The following SEMA4F variants were observed in gnomAD, a reference collection of about 807,000 sequenced individuals.
The protein encoded by SEMA4F is ssemaphorin 4F.
In SEMA4F, 51 loss-of-function variants were observed where a neutral mutation model predicts 78.4. That is an observed-to-expected ratio of 0.65 (90% CI 0.52 to 0.82). The LOEUF (loss-of-function observed/expected upper bound fraction) is 0.82, where lower values mean the gene tolerates loss of function less well. Among genes scored for constraint, SEMA4F ranks in the 40% least tolerant of loss-of-function variants. The pLI, the probability that SEMA4F is intolerant of heterozygous loss-of-function variation, is 0.00. For missense variants in SEMA4F, 938 were observed against 1,014.4 expected (o/e 0.92, Z 1.02); for synonymous variants, 418 against 408.7 (o/e 1.02, Z -0.27).
At chr2:74,669,450 G>T (rs986939516) in intron 5 of SEMA4F, among the ~76,000 whole-genome samples, 3 of 150,608 alleles carry the variant, frequency 2.0e-5, no homozygotes, top group Non-Finnish European at 3.0e-5. Context: ...TGGGTGTGGT[G>T]GGGGGGTGCC....
Position 74,674,807 on chromosome 2 carries a change from G to A in SEMA4F, c.1002-81G>A, listed in dbSNP as rs1471123155. On this transcript the variant is annotated intron_variant, in intron 8 of 13. Transcript: ENST00000357877. ...CTGCATGGCTCCCTGTGCGTTTCTC[G>A]GGGGTCATCTCATTTGACAAGGGAT... The A allele has an allele frequency of 1.3e-5, 20 of 1,562,802 alleles. No homozygotes were observed. In the Admixed American group the frequency reaches 1.5e-4, roughly 11 times the overall value.
At chr2:74,698,512 T>G in the SEMA4F span, among the ~76,000 whole-genome samples, 1 of 152,166 alleles carries the variant, frequency 6.6e-6, no homozygotes, top group South Asian at 2.1e-4. Context: ...ATCTGTAAAC[T>G]CAGTCACAAA....
the SEMA4F span, among the ~76,000 whole-genome samples, chr2:74,705,514 C>G: frequency 1.3e-5 from 2 of 152,202 alleles, no homozygotes; most frequent in African/African-American, 4.8e-5. Flanking sequence ...CATATATTAT[C>G]ATATAAAAAG....
the SEMA4F span, among the ~76,000 whole-genome samples, chr2:74,699,659 C>T: frequency 6.6e-6 from 1 of 151,998 alleles, no homozygotes; most frequent in South Asian, 2.1e-4. Flanking sequence ...ATAGATTGTT[C>T]AAGGGTAGGT....
intron 5 of SEMA4F, among the ~76,000 whole-genome samples, chr2:74,671,280 G>T (rs2104978466): frequency 6.6e-6 from 1 of 152,312 alleles, no homozygotes. Context: ...TAGGGCTCTG[G>T]CCCTCTTGTT....
intron 5 of SEMA4F, among the ~76,000 whole-genome samples, chr2:74,663,267 A>G (rs1168774388): frequency 6.6e-6 from 1 of 152,210 alleles, no homozygotes; most frequent in Non-Finnish European, 1.5e-5. Context: ...GCCACTAGCT[A>G]TTGTGGCTAT....
At chr2:74,705,625 A>G in the SEMA4F span, among the ~76,000 whole-genome samples, 8 of 152,246 alleles carry the variant, frequency 5.3e-5, no homozygotes, top group Non-Finnish European at 1.0e-4. Context: ...GTGCAGTGGC[A>G]CAATCATAGC....
chr2:74,690,554 ATAAC>A, the SEMA4F span, among the ~76,000 whole-genome samples: 2 of 152,246 alleles, frequency 1.3e-5, no homozygotes, highest in East Asian at 1.9e-4. Flanking sequence ...TTAAATATCT[ATAAC>A]TAATATGCAT....
At chr2:74,691,581 G>A in the SEMA4F span, among the ~76,000 whole-genome samples, 4 of 152,176 alleles carry the variant, frequency 2.6e-5, no homozygotes, top group Non-Finnish European at 5.9e-5. Context: ...CAATTATCAG[G>A]CAATCATTTC....
chr2:74,669,703 T>C (rs1684881434), intron 5 of SEMA4F, among the ~76,000 whole-genome samples: 1 of 152,220 alleles, frequency 6.6e-6, no homozygotes, highest in Non-Finnish European at 1.5e-5. Flanking sequence ...GATGCCAGAA[T>C]AGAAATTTTA....
rs763647925 is a variant in SEMA4F at position 74,675,865 on chromosome 2, C to A, written c.1599C>A (p.Ser533Arg). The A allele has an allele frequency of 6.2e-7, 1 of 1,614,190 alleles. No homozygotes were observed. The highest frequency in any genetic ancestry group is 1.1e-5 in the South Asian group (1 of 91,080). ...ILAQDPVCAW[S>R]FRLDECVAHA... ...CCCAGGACCCAGTCTGTGCCTGGAG[C>A]TTCCGGCTGGATGAGTGTGTGGCCC... The change falls in exon 12 of 14, where the codon AGC becomes AGA. Residue 533 changes from serine to arginine, a missense_variant. Transcript: ENST00000357877.
the SEMA4F span, among the ~76,000 whole-genome samples, chr2:74,691,632 T>A: frequency 2.0e-5 from 3 of 152,298 alleles, no homozygotes; most frequent in South Asian, 6.2e-4. Flanking sequence ...CTTTTCCTAG[T>A]TTGCTTTTCC....
chr2:74,686,315 G>T (rs1685821681), downstream of SEMA4F, among the ~76,000 whole-genome samples: 1 of 152,058 alleles, frequency 6.6e-6, no homozygotes, highest in African/African-American at 2.4e-5. Context: ...TAGTCAGGAT[G>T]GTCTCAATCT....
At chr2:74,707,934 A>G in the SEMA4F span, among the ~76,000 whole-genome samples, 4 of 152,164 alleles carry the variant, frequency 2.6e-5, no homozygotes, top group African/African-American at 9.6e-5. Context: ...CAATCAGCAC[A>G]TGTGTGTGAG....
chr2:74,665,869 T>C (rs1041642372), intron 5 of SEMA4F, among the ~76,000 whole-genome samples: 8 of 152,106 alleles, frequency 5.3e-5, no homozygotes, highest in Non-Finnish European at 8.8e-5. Context: ...AAGATAATCA[T>C]TTATCGTACT....
At chr2:74,670,407 G>C (rs1443911124) in intron 5 of SEMA4F, among the ~76,000 whole-genome samples, 1 of 152,206 alleles carries the variant, frequency 6.6e-6, no homozygotes, top group Non-Finnish European at 1.5e-5. Flanking sequence ...CCCTCCTGCT[G>C]TTTCATGGTG....
chr2:74,679,987 G>A lies in SEMA4F; in HGVS notation c.2091G>A (p.Lys697=), dbSNP rs754595872. The A allele has an allele frequency of 1.2e-6, 2 of 1,614,230 alleles. No homozygotes were observed. Among genetic ancestry groups the A allele is most frequent in the Admixed American group, 1.7e-5 (1 of 60,034 alleles). Residue 697 remains lysine (K), a synonymous_variant, in exon 14 of 14, where the codon AAG becomes AAA. Transcript: ENST00000357877. ...AGAGGGAACTTCTGGCTAGAGACAA[G>A]GTGGGCCTGGACCTGGGGGCTCCAC... ...RRQRELLARD[K]VGLDLGAPPS... is the part of the protein sequence containing the mutation.
At chr2:74,687,150 C>T (rs1685841472), downstream of SEMA4F, among the ~76,000 whole-genome samples, 1 of 152,186 alleles carries the variant, frequency 6.6e-6, no homozygotes, top group Non-Finnish European at 1.5e-5. Flanking sequence ...ACTATTTTTA[C>T]TTTCCCCTCA....
intron 5 of SEMA4F, among the ~76,000 whole-genome samples, chr2:74,666,492 G>T (rs1387676736): frequency 1.3e-5 from 2 of 151,896 alleles, no homozygotes; most frequent in African/African-American, 2.4e-5. Context: ...CTTCCTAATG[G>T]TTTAGAATGG....
Sources: allele counts gnomAD v4.1 joint callset (sites outside exome capture counted in the v4.1 genomes callset), GRCh38; gene constraint gnomAD v4.1.1; transcripts MANE v1.5; gene names NCBI Gene and HGNC (gene_info 2026-07-23, HGNC 2026-07-21).